Variants in CSMD1 observed in about 807,000 individuals in gnomAD.
CSMD1 encodes CUB and Sushi multiple domains 1.
Under a neutral mutation model 417.5 loss-of-function variants are expected in CSMD1, and 213 were observed. The observed-to-expected ratio is 0.51, with a 90% CI of 0.46 to 0.57. CSMD1 has a LOEUF of 0.57. CSMD1 is among the 20% of genes least tolerant of loss of function. The pLI is 0.00. For synonymous variants in CSMD1, 2,862 were observed against 1,736.8 expected, an observed-to-expected ratio of 1.65 and a Z score of -16.11; for missense variants, 6,923 against 4,529.7, an observed-to-expected ratio of 1.53 and a Z score of -15.17.
chr8:3,702,893 C>G (rs370436690), intron 7 of CSMD1, among the ~76,000 whole-genome samples: 2 of 152,130 alleles, frequency 1.3e-5, no homozygotes, highest in African/African-American at 4.8e-5. Context: ...AATCTACTTT[C>G]AGAATAAAGA....
At chr8:3,054,689 G>C (rs1370754339) in intron 49 of CSMD1, among the ~76,000 whole-genome samples, 5 of 152,178 alleles carry the variant, frequency 3.3e-5, no homozygotes, top group Non-Finnish European at 4.4e-5. Flanking sequence ...ATGTGTCCAT[G>C]TGCGCACGTG....
intron 3 of CSMD1, among the ~76,000 whole-genome samples, chr8:4,097,626 C>T (rs1300752054): frequency 6.6e-6 from 1 of 152,064 alleles, no homozygotes; most frequent in African/African-American, 2.4e-5. Flanking sequence ...AAGCTATCTG[C>T]AACATAGGGA....
chr8:4,606,383 C>T (rs1260164352), intron 2 of CSMD1, among the ~76,000 whole-genome samples: 1 of 152,024 alleles, frequency 6.6e-6, no homozygotes, highest in African/African-American at 2.4e-5. Context: ...TCTTTCTGTG[C>T]CAGAGGTGAG....
At chr8:3,860,313 T>G (rs1804611793) in intron 5 of CSMD1, among the ~76,000 whole-genome samples, 2 of 152,226 alleles carry the variant, frequency 1.3e-5, no homozygotes, top group South Asian at 4.1e-4. Flanking sequence ...ACAAAGATCT[T>G]TTAGAATTTC....
At chr8:3,889,341 A>G (rs116127746) in intron 5 of CSMD1, among the ~76,000 whole-genome samples, 2,496 of 151,178 alleles carry the variant, frequency 0.017, 67 homozygotes, top group African/African-American at 0.056. Flanking sequence ...GCCATGTCTT[A>G]TGGTACTAAA....
At chr8:4,843,708 A>G (rs560983815) in intron 1 of CSMD1, among the ~76,000 whole-genome samples, 4 of 152,302 alleles carry the variant, frequency 2.6e-5, no homozygotes, top group Non-Finnish European at 4.4e-5. Context: ...CTTCCAGAAT[A>G]TATTATTCTG....
intron 8 of CSMD1, among the ~76,000 whole-genome samples, chr8:3,607,091 A>C (rs1055074466): frequency 6.6e-6 from 1 of 152,124 alleles, no homozygotes; most frequent in Non-Finnish European, 1.5e-5. Context: ...AGCTGTACAA[A>C]AGTGTTTTTT....
chr8:4,956,310 A>G (rs1253934195), intron 1 of CSMD1, among the ~76,000 whole-genome samples: 1 of 151,858 alleles, frequency 6.6e-6, no homozygotes, highest in African/African-American at 2.4e-5. Flanking sequence ...ATTTAATAGC[A>G]TATGAATAAT....
chr8:4,106,978 C>T (rs139955099), intron 3 of CSMD1, among the ~76,000 whole-genome samples: 55 of 152,318 alleles, frequency 3.6e-4, no homozygotes, highest in African/African-American at 1.3e-3. Flanking sequence ...GTCAGAGACT[C>T]AGCAGATGGG....
rs371861922 is a variant in CSMD1 at position 2,966,461 on chromosome 8, C to G, written c.9100+109G>C. The G allele has an allele frequency of 1.3e-4, 131 of 984,318 alleles. No homozygotes were observed. The African/African-American group carries it at 2.1e-3, about 15-fold the overall frequency. 61.0% of individuals were successfully genotyped at this position (984,318 alleles called of 1,614,324 possible). A position where few individuals can be genotyped will look rare whatever the true frequency, so the allele number is the denominator to read the frequency against. The stretch of plus-strand genomic sequence containing the variant: ...CACACATAGTTTTCCCTTTTTTCCT[C>G]TATGAATTAAAAATAAAAAAACAGT... On this transcript the variant is annotated intron_variant, in intron 58 of 69. Coordinates refer to ENST00000635120, the MANE Select transcript of CSMD1 (RefSeq NM_033225.6).
intron 1 of CSMD1, among the ~76,000 whole-genome samples, chr8:4,889,508 G>A (rs549741939): frequency 2.0e-5 from 3 of 151,974 alleles, no homozygotes; most frequent in Non-Finnish European, 4.4e-5. Context: ...CTTGTGATAT[G>A]TTTATCATTA....
intron 2 of CSMD1, among the ~76,000 whole-genome samples, chr8:4,573,094 A>G (rs1262956098): frequency 6.6e-6 from 1 of 151,962 alleles, no homozygotes; most frequent in Non-Finnish European, 1.5e-5. Context: ...GTTTGTTATT[A>G]CCCACCTTCT....
At chr8:4,800,328 G>C (rs1368221001) in intron 1 of CSMD1, among the ~76,000 whole-genome samples, 1 of 151,608 alleles carries the variant, frequency 6.6e-6, no homozygotes, top group East Asian at 2.0e-4. Context: ...CTACTCGTGA[G>C]GCTGAGGCAG....
At chr8:3,600,637 G>C (rs556894000) in intron 8 of CSMD1, among the ~76,000 whole-genome samples, 70 of 152,228 alleles carry the variant, frequency 4.6e-4, no homozygotes, top group East Asian at 4.5e-3. Flanking sequence ...AAAACGACTG[G>C]TGACCCCAGA....
chr8:3,331,188 A>G (rs913232902), intron 23 of CSMD1, among the ~76,000 whole-genome samples: 3 of 149,682 alleles, frequency 2.0e-5, no homozygotes, highest in Non-Finnish European at 4.4e-5. Context: ...CAGTGAGCCG[A>G]GATCGTGCCA....
intron 26 of CSMD1, among the ~76,000 whole-genome samples, chr8:3,244,930 C>A (rs1258187768): frequency 1.3e-5 from 2 of 152,166 alleles, no homozygotes; most frequent in Non-Finnish European, 2.9e-5. Flanking sequence ...AAAACTGACT[C>A]CCTTCGGGAA....
chr8:2,944,538 C>T (rs542900937), intron 68 of CSMD1, among the ~76,000 whole-genome samples: 1 of 152,270 alleles, frequency 6.6e-6, no homozygotes, highest in Admixed American at 6.5e-5. Context: ...AATGTTCACA[C>T]GGACTCATAG....
intron 10 of CSMD1, among the ~76,000 whole-genome samples, chr8:3,494,583 GAT>G (rs1563092086): frequency 2.0e-5 from 3 of 151,848 alleles, no homozygotes; most frequent in African/African-American, 7.3e-5. Flanking sequence ...TAGATAGATA[GAT>G]AGATAGATAG....
chr8:4,926,680 T>C (rs929351076), intron 1 of CSMD1, among the ~76,000 whole-genome samples: 1 of 152,216 alleles, frequency 6.6e-6, no homozygotes, highest in African/African-American at 2.4e-5. Context: ...TTCTGGGCTT[T>C]TCTTTTTTTT....
Sources: allele counts gnomAD v4.1 joint callset (sites outside exome capture counted in the v4.1 genomes callset), GRCh38; gene constraint gnomAD v4.1.1; transcripts MANE v1.5; gene names NCBI Gene and HGNC (gene_info 2026-07-23, HGNC 2026-07-21).